The following USP26 variants were observed in gnomAD, a reference collection of about 807,000 sequenced individuals.
USP26 encodes the protein ubiquitin carboxyl-terminal hydrolase 26.
For synonymous variants in USP26, 236 were observed against 240.6 expected (o/e 0.98, Z 0.18); for missense variants, 649 against 642.3 (o/e 1.01, Z -0.11).
intron 5 of USP26, among the ~76,000 whole-genome samples, chrX:133,058,693 A>C (rs1299079806): frequency 1.8e-5 from 2 of 112,023 alleles, no homozygotes; most frequent in Non-Finnish European, 3.8e-5. Flanking sequence ...TTTTTCATCT[A>C]CTTTGGCAGT....
chrX:133,057,232 T>G (rs2067478520), intron 5 of USP26, among the ~76,000 whole-genome samples: 1 of 111,963 alleles, frequency 8.9e-6, no homozygotes, highest in African/African-American at 3.2e-5. Context: ...TAAAAAGTTT[T>G]AATATTTTAA....
rs374967777 is a variant in USP26 at position 133,027,657 on chromosome X, T to C, written c.564A>G (p.Ser188=). The part of the protein sequence containing the change: ...KKRKRMLSSS[S]EMNEEFLKEN... ...CTTTCAAGAATTCCTCATTCATCTCTGAGCTAGATGAGAGCATTCTTTTCC... is the reference window on the plus strand; with the variant it reads ...CTTTCAAGAATTCCTCATTCATCTCCGAGCTAGATGAGAGCATTCTTTTCC... Residue 188 remains serine, a synonymous_variant, in exon 6 of 6, where the codon TCA becomes TCG. Coordinates refer to ENST00000511190, the MANE Select transcript of USP26 (RefSeq NM_031907.3). The C allele has an allele frequency of 1.7e-6, 2 of 1,206,811 alleles. No individual in the cohort carries two copies. The highest frequency in any genetic ancestry group is 1.1e-6 in the Non-Finnish European group (1 of 891,598).
chrX:133,040,699 G>A (rs1427104947), intron 5 of USP26, among the ~76,000 whole-genome samples: 28 of 111,222 alleles, frequency 2.5e-4, no homozygotes, highest in Non-Finnish European at 1.7e-4. Flanking sequence ...GAGTATCTTA[G>A]TGGTATTCTC....
chrX:133,069,160 C>T (rs1377629258), intron 5 of USP26, among the ~76,000 whole-genome samples: 1 of 111,733 alleles, frequency 8.9e-6, no homozygotes, highest in East Asian at 2.8e-4. Context: ...AAGCCCAAGT[C>T]TGGCATTGTG....
intron 4 of USP26, among the ~76,000 whole-genome samples, chrX:133,089,352 CT>C (rs1477546867): frequency 8.9e-6 from 1 of 111,828 alleles, no homozygotes; most frequent in Non-Finnish European, 1.9e-5. Context: ...CCAAATGTGA[CT>C]TTTTACAGGC....
intron 5 of USP26, among the ~76,000 whole-genome samples, chrX:133,067,461 A>G (rs1312764871): frequency 1.8e-5 from 2 of 112,751 alleles, no homozygotes; most frequent in Non-Finnish European, 3.7e-5. Flanking sequence ...AACAGCAAAG[A>G]CTTGGAACCA....
At chrX:133,066,961 T>C (rs1048752554) in intron 5 of USP26, among the ~76,000 whole-genome samples, 1 of 112,037 alleles carries the variant, frequency 8.9e-6, no homozygotes, top group African/African-American at 3.2e-5. Context: ...GAAAAAATTT[T>C]TGCAGTCTAT....
chrX:133,082,805 G>GA lies in USP26; in HGVS notation c.-77+901dup, dbSNP rs1301620609. Among the ~76,000 whole-genome samples the GA allele has an allele frequency of 2.7e-3, 304 of 111,145 alleles. 1 individual carries two copies. The highest frequency in any genetic ancestry group is 9.8e-3 in the African/African-American group (299 of 30,622). On this transcript the variant is annotated intron_variant, in intron 5 of 5. Coordinates refer to ENST00000511190, the MANE Select transcript of USP26 (RefSeq NM_031907.3). ...CACTTCTGACTCATTAGAACACCAT[G>GA]AAAAATAAAAGTTTCAAAAAATGCC... is the stretch of plus-strand genomic sequence containing the variant.
chrX:133,034,034 A>G (rs1218801977), intron 5 of USP26, among the ~76,000 whole-genome samples: 1 of 111,789 alleles, frequency 8.9e-6, no homozygotes, highest in African/African-American at 3.2e-5. Flanking sequence ...CTTAATTTCT[A>G]AAGACCCAGT....
intron 5 of USP26, among the ~76,000 whole-genome samples, chrX:133,048,166 C>T (rs1001726924): frequency 1.8e-5 from 2 of 111,725 alleles, no homozygotes; most frequent in East Asian, 5.6e-4. Flanking sequence ...GGTAGAGTTA[C>T]CCCCTACAGT....
At chrX:133,029,888 A>G (rs1304992505) in intron 5 of USP26, among the ~76,000 whole-genome samples, 1 of 112,034 alleles carries the variant, frequency 8.9e-6, no homozygotes, top group Non-Finnish European at 1.9e-5. Context: ...CATGGAAAGT[A>G]AAGGTTAAGA....
chrX:133,067,470 C>T (rs1238819454), intron 5 of USP26, among the ~76,000 whole-genome samples: 1 of 112,484 alleles, frequency 8.9e-6, no homozygotes, highest in Admixed American at 9.4e-5. Context: ...GACTTGGAAC[C>T]AACCCAAATG....
intron 5 of USP26, among the ~76,000 whole-genome samples, chrX:133,040,752 G>A (rs1402179135): frequency 1.8e-5 from 2 of 111,353 alleles, no homozygotes; most frequent in African/African-American, 6.5e-5. Flanking sequence ...TGCTAGGTTG[G>A]GGAAGTTGTC....
chrX:133,067,841 T>A (rs1373189960), intron 5 of USP26, among the ~76,000 whole-genome samples: 2 of 112,011 alleles, frequency 1.8e-5, no homozygotes, highest in Non-Finnish European at 3.8e-5. Flanking sequence ...TATACCTATG[T>A]GACGAACCTG....
intron 5 of USP26, among the ~76,000 whole-genome samples, chrX:133,066,074 C>T (rs1337681717): frequency 9.0e-6 from 1 of 111,108 alleles, no homozygotes; most frequent in Non-Finnish European, 1.9e-5. Context: ...ATTCCTAACA[C>T]CAATAATAGA....
chrX:133,040,898 T>C (rs2067416579), intron 5 of USP26, among the ~76,000 whole-genome samples: 1 of 110,899 alleles, frequency 9.0e-6, no homozygotes. Context: ...TTCCTTCTCA[T>C]TCTTTTTTCT....
intron 1 of USP26, among the ~76,000 whole-genome samples, chrX:133,095,944 C>T (rs1358746778): frequency 9.1e-6 from 1 of 109,445 alleles, no homozygotes; most frequent in African/African-American, 3.3e-5. Flanking sequence ...GGGGTTTCAC[C>T]GTGTTGACCA....
intron 5 of USP26, among the ~76,000 whole-genome samples, chrX:133,044,612 C>T (rs979589647): frequency 1.8e-5 from 2 of 113,307 alleles, no homozygotes; most frequent in African/African-American, 6.4e-5. Flanking sequence ...GCTGCCTCCC[C>T]GTGGGGCAGG....
chrX:133,060,507 C>A (rs1395143837), intron 5 of USP26, among the ~76,000 whole-genome samples: 1 of 111,635 alleles, frequency 9.0e-6, no homozygotes, highest in Non-Finnish European at 1.9e-5. Flanking sequence ...ACTTTAAAAT[C>A]TTTACATTTA....
Sources: gnomAD v4.1 joint callset for allele counts (sites outside exome capture counted in the v4.1 genomes callset) on GRCh38, gnomAD v4.1.1 for gene constraint, MANE v1.5 for transcripts, NCBI Gene and HGNC (gene_info 2026-07-23, HGNC 2026-07-21) for gene names.